Variants in TGFA observed in about 807,000 individuals in gnomAD.
TGFA encodes the protein protransforming growth factor alpha.
In TGFA, 12 loss-of-function variants were observed where a neutral mutation model predicts 21.7. That is an observed-to-expected ratio of 0.55 (90% CI 0.35 to 0.90). The LOEUF is 0.90. TGFA is among the 40% of genes least tolerant of loss of function. The pLI, the probability that TGFA is intolerant of heterozygous loss-of-function variation, is 0.01. For missense variants in TGFA, 178 were observed against 210.8 expected (o/e 0.84, Z 0.96); for synonymous variants, 79 against 88.1 (o/e 0.90, Z 0.58).
At chr2:70,542,393 C>T (rs575724641) in intron 1 of TGFA, among the ~76,000 whole-genome samples, 13 of 152,206 alleles carry the variant, frequency 8.5e-5, no homozygotes, top group South Asian at 4.1e-4. Context: ...ATCCTCTCAG[C>T]GCCTAGGAGA....
Position 70,480,553 on chromosome 2 carries a change from C to T in TGFA, c.95-14817G>A, listed in dbSNP as rs372726978. Reference sequence around the variant, plus strand: ...ACGTGGTATGCTGTAGTGTTAATTTCCCTGGAAACCCTTTGCTTATGGACG... The same window carrying T: ...ACGTGGTATGCTGTAGTGTTAATTTTCCTGGAAACCCTTTGCTTATGGACG... On this transcript the variant is annotated intron_variant, in intron 2 of 5. Coordinates refer to ENST00000295400, the MANE Select transcript of TGFA (RefSeq NM_003236.4). Among the ~76,000 whole-genome samples the T allele has an allele frequency of 9.2e-5, 14 of 152,190 alleles. No homozygotes were observed. In the East Asian group the frequency reaches 1.7e-3, roughly 19 times the overall value.
chr2:70,529,290 A>G (rs1431744322), intron 1 of TGFA, among the ~76,000 whole-genome samples: 1 of 152,176 alleles, frequency 6.6e-6, no homozygotes, highest in African/African-American at 2.4e-5. Context: ...GGCATGAACT[A>G]CAGAAGACAA....
rs1186560881 is a variant in TGFA at position 70,450,691 on chromosome 2, G to A, written c.*168C>T. 8 of 677,760 alleles carry A rather than the reference G, an allele frequency of 1.2e-5. No homozygotes were observed. Among genetic ancestry groups the A allele is most frequent in the Non-Finnish European group, 1.8e-5 (7 of 386,338 alleles). 42.0% of individuals were successfully genotyped at this position (677,760 alleles called of 1,614,324 possible). A position where few individuals can be genotyped will look rare whatever the true frequency, so the allele number is the denominator to read the frequency against. On this transcript the variant is annotated 3_prime_UTR_variant, in exon 6 of 6. Coordinates refer to ENST00000295400, the MANE Select transcript of TGFA (RefSeq NM_003236.4). ...TCACACTGAATAACCCCAAGCAGAC[G>A]GAGTTCTTGACAGAGTTTTGAAGGC...
Position 70,549,499 on chromosome 2 carries a change from C to T in TGFA, c.40+4229G>A, listed in dbSNP as rs142635094. Among the ~76,000 whole-genome samples, 467 of 152,308 alleles carry T rather than the reference C, an allele frequency of 3.1e-3. 2 individuals are homozygous for T. Among genetic ancestry groups the T allele is most frequent in the Non-Finnish European group, 5.2e-3 (357 of 68,036 alleles). ...TGAATCACAACCGCAGTGGAGGAGG[C>T]CTGGCCATCCATTTTAACCAGCCCT... On this transcript the variant is annotated intron_variant, in intron 1 of 5. Coordinates refer to ENST00000295400, the MANE Select transcript of TGFA (RefSeq NM_003236.4).
intron 1 of TGFA, among the ~76,000 whole-genome samples, chr2:70,543,681 T>G (rs1673204039): frequency 6.6e-6 from 1 of 152,158 alleles, no homozygotes; most frequent in Admixed American, 6.5e-5. Context: ...TTACCAAAAC[T>G]GACTCAAAAA....
chr2:70,510,092 T>C (rs1672045931), intron 2 of TGFA, among the ~76,000 whole-genome samples: 1 of 152,168 alleles, frequency 6.6e-6, no homozygotes, highest in African/African-American at 2.4e-5. Flanking sequence ...TGGCAACTAT[T>C]TTCTAAATCA....
chr2:70,468,144 C>T (rs1015956661), intron 2 of TGFA, among the ~76,000 whole-genome samples: 3 of 152,220 alleles, frequency 2.0e-5, no homozygotes, highest in Non-Finnish European at 2.9e-5. Context: ...TGAATATCCA[C>T]GTGATAAAAC....
At chr2:70,465,509 C>T in intron 3 of TGFA, 107 bp downstream of exon 3, 1 of 1,431,380 alleles carries the variant, frequency 7.0e-7, no homozygotes, top group Non-Finnish European at 9.5e-7. Flanking sequence ...ACATCTGGCT[C>T]CAGGGGTCTC....
intron 2 of TGFA, among the ~76,000 whole-genome samples, chr2:70,476,541 T>C (rs138182729): frequency 3.3e-5 from 5 of 152,316 alleles, no homozygotes; most frequent in Non-Finnish European, 7.4e-5. Context: ...CAGGAAACTC[T>C]CAATCCACCC....
At chr2:70,529,378 G>A (rs1672742703) in intron 1 of TGFA, among the ~76,000 whole-genome samples, 1 of 152,198 alleles carries the variant, frequency 6.6e-6, no homozygotes, top group Non-Finnish European at 1.5e-5. Context: ...CTGGAGTAAG[G>A]AGACACTGTT....
At chr2:70,460,136 A>G (rs1206618910) in intron 3 of TGFA, among the ~76,000 whole-genome samples, 1 of 152,222 alleles carries the variant, frequency 6.6e-6, no homozygotes, top group Non-Finnish European at 1.5e-5. Flanking sequence ...AACGTTTCTC[A>G]ACTGTGGCTG....
At chr2:70,543,782 T>C (rs939348306) in intron 1 of TGFA, among the ~76,000 whole-genome samples, 17 of 152,196 alleles carry the variant, frequency 1.1e-4, no homozygotes, top group African/African-American at 4.1e-4. Flanking sequence ...TTGGTTATCC[T>C]GATACTTCAA....
Position 70,450,810 on chromosome 2 carries a change from T to G in TGFA, c.*49A>C. On this transcript the variant is annotated 3_prime_UTR_variant, in exon 6 of 6. Coordinates refer to ENST00000295400, the MANE Select transcript of TGFA (RefSeq NM_003236.4). The stretch of plus-strand genomic sequence containing the variant: ...CAGTGCTGTCCTGAAGAAGCCTTTC[T>G]TTATTGATCTGCCACAGTCCACCTG... The G allele has an allele frequency of 6.2e-7, 1 of 1,601,878 alleles. No individual in the cohort carries two copies. The highest frequency in any genetic ancestry group is 8.5e-7 in the Non-Finnish European group (1 of 1,172,938).
intron 2 of TGFA, among the ~76,000 whole-genome samples, chr2:70,466,684 A>T (rs1553492325): frequency 6.6e-6 from 1 of 152,234 alleles, no homozygotes; most frequent in African/African-American, 2.4e-5. Context: ...ATTACTGGGT[A>T]TATACCCAAA....
At chr2:70,538,249 G>A (rs782256265) in intron 1 of TGFA, among the ~76,000 whole-genome samples, 6 of 152,202 alleles carry the variant, frequency 3.9e-5, no homozygotes, top group Non-Finnish European at 7.3e-5. Context: ...CTCTGATGGA[G>A]CTGTGTAAGG....
intron 4 of TGFA, among the ~76,000 whole-genome samples, chr2:70,454,867 T>C (rs916403545): frequency 5.3e-5 from 8 of 152,322 alleles, no homozygotes; most frequent in South Asian, 2.1e-4. Flanking sequence ...TCTGCCAAAA[T>C]TAGCTCTTAG....
In TGFA at chr2:70,522,389, A is replaced by G. The variant is rs562975737; in HGVS notation, c.41-7477T>C. On this transcript the variant is annotated intron_variant, in intron 1 of 5. Transcript: ENST00000295400. The stretch of plus-strand genomic sequence containing the variant: ...AGGTCTTGGTTCTTACTCTAATTTC[A>G]GTGGAGATGAGGAGCACTTGAATTT... 5.3e-5 allele frequency among the ~76,000 whole-genome samples: 8 copies of G among 152,260 alleles called. No individual in the cohort carries two copies. In the South Asian group the frequency reaches 1.7e-3, roughly 32 times the overall value.
At chr2:70,539,373 C>T (rs1488127510) in intron 1 of TGFA, among the ~76,000 whole-genome samples, 1 of 145,844 alleles carries the variant, frequency 6.9e-6, no homozygotes, top group Non-Finnish European at 1.5e-5. Context: ...TCTGGGAACA[C>T]AGCCTGAAGC....
chr2:70,531,714 C>T (rs1283136161), intron 1 of TGFA, among the ~76,000 whole-genome samples: 1 of 152,206 alleles, frequency 6.6e-6, no homozygotes, highest in African/African-American at 2.4e-5. Context: ...GGAATATTTC[C>T]CACTTGCTTC....
Sources: gnomAD v4.1 joint callset for allele counts (sites outside exome capture counted in the v4.1 genomes callset) on GRCh38, gnomAD v4.1.1 for gene constraint, MANE v1.5 for transcripts, NCBI Gene and HGNC (gene_info 2026-07-23, HGNC 2026-07-21) for gene names.